FOXN3: variants seen among roughly 807,000 people sequenced by gnomAD.
The protein encoded by FOXN3 is forkhead box protein N3.
A neutral mutation model predicts 38.4 loss-of-function variants in FOXN3; 7 were observed. The observed-to-expected ratio is 0.18, with a 90% CI of 0.10 to 0.34. FOXN3 has a LOEUF of 0.34. Among genes scored for constraint, FOXN3 ranks in the 10% least tolerant of loss-of-function variants. The pLI is 1.00. For synonymous variants in FOXN3, 230 were observed against 242.2 expected, an observed-to-expected ratio of 0.95 and a Z score of 0.47; for missense variants, 456 against 613.4, an observed-to-expected ratio of 0.74 and a Z score of 2.71.
intron 1 of FOXN3, among the ~76,000 whole-genome samples, chr14:89,488,134 G>A (rs1186393146): frequency 2.0e-5 from 3 of 150,164 alleles, no homozygotes; most frequent in Admixed American, 1.3e-4. Context: ...CCAGACTAGA[G>A]TGCAGTGGCA....
rs76318879 is a variant in FOXN3, at chr14:89,291,664, C to G, written c.681-10650G>C. The G allele has an allele frequency of 2.0e-3, 883 of 440,516 alleles. 8 individuals are homozygous for G. The highest frequency in any genetic ancestry group is 0.016 in the African/African-American group (780 of 49,464). The allele number at this position is 440,516 out of a possible 1,614,324, so 27.3% of individuals were successfully genotyped here. A position where few individuals can be genotyped will look rare whatever the true frequency, so the allele number is the denominator to read the frequency against. On this transcript the variant is annotated intron_variant, in intron 3 of 5. Transcript: ENST00000557258. ...GTGGCCGGCCACTCATGCTCTCTTC[C>G]TGTGGCCCTTATTGTGTTGTTTTAA... is the stretch of plus-strand genomic sequence containing the variant.
intron 1 of FOXN3, among the ~76,000 whole-genome samples, chr14:89,496,990 T>A (rs1359926801): frequency 2.6e-5 from 4 of 152,252 alleles, no homozygotes; most frequent in Non-Finnish European, 5.9e-5. Context: ...AGTCTTGCTC[T>A]ATCTCCCAGG....
chr14:89,578,584 C>T (rs1412462604), intron 1 of FOXN3, among the ~76,000 whole-genome samples: 6 of 152,192 alleles, frequency 3.9e-5, no homozygotes, highest in Admixed American at 3.3e-4. Context: ...AATGTGTTCA[C>T]TCCAAGTCTT....
chr14:89,500,251 C>T (rs1314379286), intron 1 of FOXN3, among the ~76,000 whole-genome samples: 1 of 152,212 alleles, frequency 6.6e-6, no homozygotes, highest in Non-Finnish European at 1.5e-5. Context: ...CTTCCCACTC[C>T]TTCCATGAGC....
chr14:89,522,487 T>C (rs941474879), intron 1 of FOXN3, among the ~76,000 whole-genome samples: 4 of 152,194 alleles, frequency 2.6e-5, no homozygotes, highest in African/African-American at 7.2e-5. Flanking sequence ...TCTTATTATT[T>C]TAAATATCTT....
intron 4 of FOXN3, among the ~76,000 whole-genome samples, chr14:89,268,718 G>A (rs1288184385): frequency 1.3e-5 from 2 of 152,148 alleles, no homozygotes; most frequent in South Asian, 2.1e-4. Flanking sequence ...TTCTGGCCTG[G>A]ACTGGGCCAC....
At chr14:89,468,452 T>G (rs1272893282) in intron 1 of FOXN3, among the ~76,000 whole-genome samples, 1 of 148,386 alleles carries the variant, frequency 6.7e-6, no homozygotes, top group Non-Finnish European at 1.5e-5. Context: ...AGGCTGTGTC[T>G]CAAAACACAC....
intron 3 of FOXN3, among the ~76,000 whole-genome samples, chr14:89,316,055 C>A (rs1403773730): frequency 2.0e-5 from 3 of 152,214 alleles, no homozygotes; most frequent in African/African-American, 7.2e-5. Flanking sequence ...CTCCTGTGGT[C>A]CCCGCCAAAA....
intron 1 of FOXN3, among the ~76,000 whole-genome samples, chr14:89,433,415 G>A (rs1305865742): frequency 6.6e-6 from 1 of 152,216 alleles, no homozygotes; most frequent in Non-Finnish European, 1.5e-5. Flanking sequence ...TCAGGAGGCT[G>A]AGGTTGCAGT....
At chr14:89,291,603 G>A (rs1352186409) in intron 3 of FOXN3, 4 of 518,182 alleles carry the variant, frequency 7.7e-6, no homozygotes, top group Admixed American at 2.2e-5. Flanking sequence ...ATTCTGCTTT[G>A]CTGCCCTGGG....
At chr14:89,291,491 CT>C in intron 3 of FOXN3, 1 of 598,046 alleles carries the variant, frequency 1.7e-6, no homozygotes, top group Non-Finnish European at 3.3e-6. Context: ...GACACTCTTG[CT>C]TACCCCGCCA....
chr14:89,294,660 G>A (rs1332653151), intron 3 of FOXN3, among the ~76,000 whole-genome samples: 3 of 152,166 alleles, frequency 2.0e-5, no homozygotes, highest in Admixed American at 2.0e-4. Flanking sequence ...ATGGCAATGA[G>A]AGTGACCTCT....
At chr14:89,208,914 G>A (rs1444358302) in intron 4 of FOXN3, among the ~76,000 whole-genome samples, 1 of 152,142 alleles carries the variant, frequency 6.6e-6, no homozygotes, top group African/African-American at 2.4e-5. Context: ...CTACATCCCA[G>A]TGATGCCTTC....
intron 1 of FOXN3, among the ~76,000 whole-genome samples, chr14:89,454,580 C>T (rs1045391690): frequency 1.3e-5 from 2 of 152,194 alleles, no homozygotes; most frequent in African/African-American, 2.4e-5. Context: ...TCTCCTGCCT[C>T]ACTTGTAAAA....
chr14:89,519,159 G>A (rs1017646152), intron 1 of FOXN3, among the ~76,000 whole-genome samples: 3 of 152,194 alleles, frequency 2.0e-5, no homozygotes, highest in Non-Finnish European at 2.9e-5. Flanking sequence ...GAGGTCAGAC[G>A]AGTGGGCTAA....
chr14:89,567,990 A>G (rs1191109292), intron 1 of FOXN3, among the ~76,000 whole-genome samples: 6 of 151,842 alleles, frequency 4.0e-5, no homozygotes, highest in East Asian at 1.9e-4. Context: ...CCAAAGTGCT[A>G]GGATTACAGG....
chr14:89,384,021 T>TG (rs199505319), intron 2 of FOXN3, among the ~76,000 whole-genome samples: 4,733 of 151,560 alleles, frequency 0.031, 242 homozygotes, highest in African/African-American at 0.11. Context: ...ATGAATTTGG[T>TG]GGGGGGGGAC....
chr14:89,211,438 C>T (rs1222589086), intron 4 of FOXN3, among the ~76,000 whole-genome samples: 1 of 152,232 alleles, frequency 6.6e-6, no homozygotes, highest in African/African-American at 2.4e-5. Flanking sequence ...ACCTGATCAA[C>T]AGTACCATGG....
chr14:89,500,258 G>A (rs1408000542), intron 1 of FOXN3, among the ~76,000 whole-genome samples: 5 of 152,132 alleles, frequency 3.3e-5, no homozygotes, highest in African/African-American at 9.7e-5. Context: ...CTCCTTCCAT[G>A]AGCCACCGTT....
Sources: allele counts gnomAD v4.1 joint callset (sites outside exome capture counted in the v4.1 genomes callset), GRCh38; gene constraint gnomAD v4.1.1; transcripts MANE v1.5; gene names NCBI Gene and HGNC (gene_info 2026-07-23, HGNC 2026-07-21).